The following CUL1 variants were observed in gnomAD, a reference collection of about 807,000 sequenced individuals.
CUL1 encodes cullin-1.
Under a neutral mutation model 118.0 loss-of-function variants are expected in CUL1, and 24 were observed. That is an observed-to-expected ratio of 0.20 (90% confidence interval 0.15 to 0.29). CUL1 has a LOEUF of 0.29. CUL1 is among the 10% of genes least tolerant of loss of function. CUL1 has a pLI of 1.00. For synonymous variants in CUL1, 332 were observed against 340.4 expected (o/e 0.98, Z 0.27); for missense variants, 361 against 933.8 (o/e 0.39, Z 7.99).
Position 148,760,270 on chromosome 7 carries a change from A to G in CUL1, c.626-63A>G, listed in dbSNP as rs573345263. ...CTTAAACTGAATGCTACACCTAAGT[A>G]TATTCTGTGAAATATAACCAAAAAA... On this transcript the variant is annotated intron_variant, in intron 6 of 21. Coordinates refer to ENST00000325222, the MANE Select transcript of CUL1 (RefSeq NM_003592.3). 4.9e-5 allele frequency: 68 copies of G among 1,384,806 alleles called. 1 individual carries two copies. The South Asian group carries it at 7.8e-4, about 16-fold the overall frequency. The allele number at this position is 1,384,806 out of a possible 1,614,324, so 85.8% of individuals were successfully genotyped here.
intron 1 of CUL1, among the ~76,000 whole-genome samples, chr7:148,726,918 G>A (rs1798604701): frequency 1.3e-5 from 2 of 152,174 alleles, no homozygotes; most frequent in Non-Finnish European, 2.9e-5. Flanking sequence ...AGGCTGAGGT[G>A]GAAGGATCAC....
Position 148,727,274 on chromosome 7 carries a change from A to G in CUL1, c.-161-2688A>G, listed in dbSNP as rs560521633. 1.1e-4 allele frequency among the ~76,000 whole-genome samples: 17 copies of G among 152,348 alleles called. No individual in the cohort carries two copies. In the South Asian group the frequency reaches 2.9e-3, roughly 26 times the overall value. On this transcript the variant is annotated intron_variant, in intron 1 of 21. Transcript: ENST00000325222. ...TGACTAAATGAAACAGCAAGACATA[A>G]ATTTTAGCCCAGAATCCAATATTTT...
chr7:148,731,126 G>A (rs528917448), intron 2 of CUL1, among the ~76,000 whole-genome samples: 3 of 152,230 alleles, frequency 2.0e-5, no homozygotes, highest in Non-Finnish European at 4.4e-5. Flanking sequence ...GTGCCACAAA[G>A]GTGATGAGGG....
At chr7:148,704,827 TC>T (rs1004217834) in intron 1 of CUL1, among the ~76,000 whole-genome samples, 11 of 152,198 alleles carry the variant, frequency 7.2e-5, no homozygotes, top group African/African-American at 2.7e-4. Context: ...ATTTTTTTTT[TC>T]CTCCAACTTT....
intron 2 of CUL1, among the ~76,000 whole-genome samples, chr7:148,748,464 A>G (rs1163172124): frequency 6.6e-6 from 1 of 152,250 alleles, no homozygotes; most frequent in East Asian, 1.9e-4. Context: ...TAAAAGGTAC[A>G]GGTTACCAGG....
intron 3 of CUL1, 62 bp downstream of exon 3, chr7:148,754,212 G>A: frequency 9.3e-7 from 1 of 1,079,368 alleles, no homozygotes; most frequent in South Asian, 1.7e-5. Context: ...TGAAATAATG[G>A]TTCTAACTTG....
At chr7:148,703,863 C>T (rs1434482308) in intron 1 of CUL1, among the ~76,000 whole-genome samples, 2 of 152,022 alleles carry the variant, frequency 1.3e-5, no homozygotes, top group East Asian at 1.9e-4. Flanking sequence ...AAATGGCTGT[C>T]ATTTTAGGGG....
intron 16 of CUL1, among the ~76,000 whole-genome samples, chr7:148,790,920 C>T (rs948228086): frequency 3.3e-5 from 5 of 152,174 alleles, no homozygotes; most frequent in African/African-American, 1.2e-4. Flanking sequence ...AGAATATTTC[C>T]ATTTCTTAGA....
In CUL1 at chr7:148,788,315, TTGTGTATGAATTGTG is replaced by T. The variant is rs569240795; in HGVS notation, c.1480-236_1480-222del. On this transcript the variant is annotated intron_variant, in intron 13 of 21. Coordinates refer to ENST00000325222, the MANE Select transcript of CUL1 (RefSeq NM_003592.3). ...CACCTTGCTCTTAAATGCTCACAAA[TTGTGTATGAATTGTG>T]TGTGTGAACACTTCACTGTGCAACA... 2.6e-5 allele frequency among the ~76,000 whole-genome samples: 4 copies of T among 152,306 alleles called. No individual in the cohort carries two copies. In the South Asian group the frequency reaches 8.3e-4, roughly 32 times the overall value.
chr7:148,800,420 G>A lies in CUL1; in HGVS notation c.2251-82G>A. On this transcript the variant is annotated intron_variant, in intron 21 of 21. Coordinates refer to ENST00000325222, the MANE Select transcript of CUL1 (RefSeq NM_003592.3). This position sits in a 1 kb window ranked among gnomAD's most constrained non-coding sequence, Gnocchi z 4.6. ...TCCGAATCAGGGGAGATTTGTGGTG[G>A]GGGCAGCCTCTCTCTGTTCTGATGA... 9.1e-7 allele frequency: 1 copy of A among 1,103,736 alleles called. No individual in the cohort carries two copies. Among genetic ancestry groups the A allele is most frequent in the Non-Finnish European group, 1.4e-6 (1 of 731,160 alleles). 68.4% of individuals were successfully genotyped at this position (1,103,736 alleles called of 1,614,324 possible).
intron 2 of CUL1, among the ~76,000 whole-genome samples, chr7:148,753,500 A>G (rs1799560080): frequency 6.6e-6 from 1 of 152,236 alleles, no homozygotes; most frequent in African/African-American, 2.4e-5. Context: ...ATTGTAATAT[A>G]AGGACTTGGC....
intron 9 of CUL1, among the ~76,000 whole-genome samples, chr7:148,781,933 G>A (rs772992892): frequency 1.3e-4 from 20 of 152,194 alleles, no homozygotes; most frequent in Middle Eastern, 3.2e-3. Flanking sequence ...AAAATAGCAA[G>A]TTTTGGAAGC....
chr7:148,760,492 A>G lies in CUL1; in HGVS notation c.785A>G (p.Lys262Arg). Residue 262 changes from lysine (K) to arginine (R), a missense_variant, in exon 7 of 22, where the codon AAA becomes AGA. Coordinates refer to ENST00000325222, the MANE Select transcript of CUL1 (RefSeq NM_003592.3). ...LQQNPVTEYM[K>R]KAEARLLEEQ... is the part of the protein sequence containing the mutation. Reference sequence around the variant, plus strand: ...CAGAACCCAGTTACTGAATATATGAAAAAGGTAAGCTTAAATATAGTACTT... The same window carrying G: ...CAGAACCCAGTTACTGAATATATGAGAAAGGTAAGCTTAAATATAGTACTT... The G allele has an allele frequency of 6.2e-7, 1 of 1,607,084 alleles. No homozygotes were observed.
At chr7:148,723,330 C>T (rs1001466889) in intron 1 of CUL1, among the ~76,000 whole-genome samples, 3 of 152,192 alleles carry the variant, frequency 2.0e-5, no homozygotes, top group Admixed American at 6.5e-5. Context: ...CCCCAGAGAT[C>T]AGCTGTGTAG....
chr7:148,766,432 G>T, intron 7 of CUL1, 129 bp from the exon 8 acceptor site: 1 of 782,812 alleles, frequency 1.3e-6, no homozygotes, highest in Non-Finnish European at 1.9e-6. Context: ...TTTCTTAATC[G>T]CATTTTATTA....
chr7:148,798,769 A>G, intron 20 of CUL1, 92 bp downstream of exon 20: 1 of 1,002,228 alleles, frequency 1.0e-6, no homozygotes. Context: ...GGGGGTGACA[A>G]AGGAGTGATT....
chr7:148,798,590 C>T lies in CUL1; in HGVS notation c.2049C>T (p.Asn683=). 6.2e-7 allele frequency: 1 copy of T among 1,613,630 alleles called. No individual in the cohort carries two copies. The highest frequency in any genetic ancestry group is 1.1e-5 in the South Asian group (1 of 91,074). ...LGYKNKKLRV[N]INVPMKTEQK... ...TTGATAGTAAGAAATTAAGGGTTAA[C>T]ATCAATGTGCCAATGAAAACCGAAC... is the stretch of plus-strand genomic sequence containing the variant. The change falls in exon 20 of 22, where the codon AAC becomes AAT. Residue 683 remains asparagine (N), a synonymous_variant. Transcript: ENST00000325222.
chr7:148,792,657 T>C, intron 16 of CUL1, 69 bp from the exon 17 acceptor site: 1 of 1,022,786 alleles, frequency 9.8e-7, no homozygotes, highest in Non-Finnish European at 1.5e-6. Flanking sequence ...ACTTGGGCTG[T>C]ATATTTTGGG....
intron 11 of CUL1, among the ~76,000 whole-genome samples, chr7:148,785,064 TA>T (rs1800770562): frequency 6.6e-6 from 1 of 152,198 alleles, no homozygotes; most frequent in South Asian, 2.1e-4. Flanking sequence ...ACCTTTTTGG[TA>T]AATGATGGGA....
Sources: allele counts gnomAD v4.1 joint callset (sites outside exome capture counted in the v4.1 genomes callset), GRCh38; gene constraint gnomAD v4.1.1; non-coding constraint Gnocchi (gnomAD v3.1); transcripts MANE v1.5; gene names NCBI Gene and HGNC (gene_info 2026-07-23, HGNC 2026-07-21).